The following SLIT3 variants were observed in gnomAD, a reference collection of about 807,000 sequenced individuals.
SLIT3 encodes the protein slit guidance ligand 3.
In SLIT3, 68 loss-of-function variants were observed where a neutral mutation model predicts 184.0. The ratio of observed to expected loss-of-function variants is 0.37; its 90% CI spans 0.30 to 0.45. The LOEUF (loss-of-function observed/expected upper bound fraction) is 0.45. Among genes scored for constraint, SLIT3 ranks in the 20% least tolerant of loss-of-function variants. The pLI is 1.00. For missense variants in SLIT3, 1,707 were observed against 2,026.0 expected (o/e 0.84, Z 3.02); for synonymous variants, 831 against 828.6 (o/e 1.00, Z -0.05).
At chr5:169,237,878 C>T (rs1765258315) in intron 3 of SLIT3, among the ~76,000 whole-genome samples, 1 of 152,114 alleles carries the variant, frequency 6.6e-6, no homozygotes, top group Non-Finnish European at 1.5e-5. Flanking sequence ...ACATGTAGGT[C>T]TATGAATCAT....
intron 4 of SLIT3, among the ~76,000 whole-genome samples, chr5:169,097,391 T>G (rs1759828790): frequency 6.9e-6 from 1 of 145,174 alleles, no homozygotes; most frequent in Non-Finnish European, 1.5e-5. Flanking sequence ...GGAGAGGAAA[T>G]GGGAGAGGAA....
intron 32 of SLIT3, among the ~76,000 whole-genome samples, chr5:168,679,795 G>C (rs1014330359): frequency 2.0e-5 from 3 of 152,196 alleles, no homozygotes; most frequent in African/African-American, 7.2e-5. Context: ...CACGGTGGGA[G>C]AGCTGGTTTG....
intron 1 of SLIT3, among the ~76,000 whole-genome samples, chr5:169,265,904 C>T (rs1766380382): frequency 6.6e-6 from 1 of 152,210 alleles, no homozygotes; most frequent in African/African-American, 2.4e-5. Flanking sequence ...CCCAAATCTC[C>T]TTCATCCACT....
chr5:168,678,287 T>C (rs1761473926), intron 32 of SLIT3, among the ~76,000 whole-genome samples: 1 of 152,134 alleles, frequency 6.6e-6, no homozygotes, highest in Non-Finnish European at 1.5e-5. Context: ...CTCTGGCTTT[T>C]TACCAGCATC....
intron 4 of SLIT3, 43 bp downstream of exon 4, chr5:169,193,436 C>T: frequency 1.8e-5 from 28 of 1,560,612 alleles, no homozygotes; most frequent in Non-Finnish European, 2.4e-5. Context: ...TCACCCAAGC[C>T]AGGCAAGGCA....
intron 4 of SLIT3, among the ~76,000 whole-genome samples, chr5:169,014,958 T>A (rs1756306886): frequency 6.6e-6 from 1 of 151,752 alleles, no homozygotes; most frequent in Non-Finnish European, 1.5e-5. Flanking sequence ...CTCAAAAAAA[T>A]AAAAATAAAA....
chr5:168,692,320 G>A, intron 29 of SLIT3, among the ~76,000 whole-genome samples: 1 of 152,202 alleles, frequency 6.6e-6, no homozygotes, highest in Non-Finnish European at 1.5e-5. Context: ...GGAGAGGCAA[G>A]GAAGAAGGGG....
chr5:169,136,194 A>T (rs1263882689), intron 4 of SLIT3, among the ~76,000 whole-genome samples: 1 of 152,178 alleles, frequency 6.6e-6, no homozygotes, highest in Non-Finnish European at 1.5e-5. Context: ...GGCCTCAGAA[A>T]TCGTGGGTAG....
At chr5:168,787,444 C>G (rs1034079252) in intron 11 of SLIT3, among the ~76,000 whole-genome samples, 1 of 152,224 alleles carries the variant, frequency 6.6e-6, no homozygotes, top group African/African-American at 2.4e-5. Context: ...CCCTGTCTGG[C>G]TTCCCACCCC....
At chr5:168,835,324 G>T (rs1327115115) in intron 6 of SLIT3, among the ~76,000 whole-genome samples, 4 of 152,078 alleles carry the variant, frequency 2.6e-5, no homozygotes, top group Non-Finnish European at 5.9e-5. Flanking sequence ...CAACCCATGG[G>T]CCAGCAGTTG....
intron 4 of SLIT3, among the ~76,000 whole-genome samples, chr5:168,905,313 T>C (rs2113048152): frequency 6.6e-6 from 1 of 152,338 alleles, no homozygotes; most frequent in African/African-American, 2.4e-5. Flanking sequence ...CAAATGTACC[T>C]AGATCCTCCC....
intron 9 of SLIT3, among the ~76,000 whole-genome samples, chr5:168,803,914 G>A (rs1756858719): frequency 6.6e-6 from 1 of 151,920 alleles, no homozygotes. Flanking sequence ...AAGGTTAACT[G>A]GGTGGAGAAA....
chr5:169,231,333 A>G (rs1445227734), intron 3 of SLIT3, among the ~76,000 whole-genome samples: 1 of 152,200 alleles, frequency 6.6e-6, no homozygotes, highest in Non-Finnish European at 1.5e-5. Context: ...AGCTGATGAC[A>G]CGCCCCAGAA....
chr5:168,869,334 T>C (rs1477769305), intron 5 of SLIT3, among the ~76,000 whole-genome samples: 1 of 152,216 alleles, frequency 6.6e-6, no homozygotes, highest in Admixed American at 6.5e-5. Flanking sequence ...TCAGTGACTA[T>C]GTGACCCTGG....
chr5:169,081,358 G>A (rs1454835186), intron 4 of SLIT3, among the ~76,000 whole-genome samples: 2 of 152,096 alleles, frequency 1.3e-5, no homozygotes, highest in Non-Finnish European at 2.9e-5. Flanking sequence ...TCCCAGCCTG[G>A]GCCAAATGGA....
intron 4 of SLIT3, among the ~76,000 whole-genome samples, chr5:169,030,091 T>C (rs977934317): frequency 1.3e-5 from 2 of 152,168 alleles, no homozygotes; most frequent in Non-Finnish European, 2.9e-5. Context: ...TCTCCTAGGC[T>C]GCACCCTCCC....
intron 4 of SLIT3, among the ~76,000 whole-genome samples, chr5:169,061,771 C>G (rs1489789740): frequency 6.6e-6 from 1 of 152,186 alleles, no homozygotes; most frequent in African/African-American, 2.4e-5. Flanking sequence ...TGGGAAAATG[C>G]TGGATCATCA....
intron 4 of SLIT3, chr5:169,018,028 C>T (rs1277579848): frequency 6.6e-6 from 1 of 152,230 alleles, no homozygotes; most frequent in Admixed American, 6.5e-5. Flanking sequence ...ACAAATCTTC[C>T]ACCCACCCCC....
chr5:168,997,794 T>A (rs79940079), intron 4 of SLIT3, among the ~76,000 whole-genome samples: 1 of 152,142 alleles, frequency 6.6e-6, no homozygotes, highest in African/African-American at 2.4e-5. Context: ...ACATGGGGAT[T>A]CAAGTGTCAA....
Sources: gnomAD v4.1 joint callset for allele counts (sites outside exome capture counted in the v4.1 genomes callset) on GRCh38, gnomAD v4.1.1 for gene constraint, MANE v1.5 for transcripts, NCBI Gene and HGNC (gene_info 2026-07-23, HGNC 2026-07-21) for gene names.